The following UBAC2 variants were observed in gnomAD, a reference collection of about 807,000 sequenced individuals.
UBAC2 encodes UBA domain containing 2.
UBAC2 carries 26 observed loss-of-function variants against 44.0 expected under a neutral mutation model. That is an observed-to-expected ratio of 0.59 (90% CI 0.43 to 0.82). The LOEUF is 0.82. Ranked by LOEUF, UBAC2 falls within the 40% of genes least tolerant of loss-of-function variation. UBAC2 has a pLI of 0.00. For missense variants in UBAC2, 329 were observed against 419.4 expected, an observed-to-expected ratio of 0.78 and a Z score of 1.88; for synonymous variants, 155 against 154.3, an observed-to-expected ratio of 1.00 and a Z score of -0.04.
At chr13:99,283,285 A>G (rs1464112679) in intron 4 of UBAC2, among the ~76,000 whole-genome samples, 3 of 152,190 alleles carry the variant, frequency 2.0e-5, no homozygotes, top group Non-Finnish European at 4.4e-5. Context: ...GAGACACTTG[A>G]TAATTATTTG....
intron 1 of UBAC2, chr13:99,215,824 C>T (rs928162525): frequency 1.7e-6 from 1 of 577,684 alleles, no homozygotes; most frequent in African/African-American, 1.9e-5. Context: ...TGAGATCCCA[C>T]CATCTACTCC....
chr13:99,297,394 A>G (rs2044192854), intron 4 of UBAC2, among the ~76,000 whole-genome samples: 3 of 152,168 alleles, frequency 2.0e-5, no homozygotes, highest in Admixed American at 6.5e-5. Context: ...AAAGAACTAT[A>G]CAGTATTTCC....
intron 8 of UBAC2, among the ~76,000 whole-genome samples, chr13:99,382,847 A>G (rs2045568759): frequency 6.6e-6 from 1 of 152,190 alleles, no homozygotes; most frequent in Non-Finnish European, 1.5e-5. Context: ...GGCTCAGGGC[A>G]GAGGGCAGAG....
intron 2 of UBAC2, 24 bp from the exon 3 acceptor site, chr13:99,243,808 G>T (rs200285046): frequency 6.5e-7 from 1 of 1,546,448 alleles, no homozygotes; most frequent in Non-Finnish European, 8.7e-7. Flanking sequence ...CTTGTTTATT[G>T]TTCTTTTTTA....
chr13:99,238,325 T>G (rs747635180), intron 1 of UBAC2, 102 bp from the exon 2 acceptor site: 2 of 1,441,668 alleles, frequency 1.4e-6, no homozygotes, highest in Non-Finnish European at 1.9e-6. Flanking sequence ...GACTTTGTCT[T>G]CATTCTGATT....
At position 99,361,922 on chromosome 13, in the gene UBAC2, G is replaced by A. The variant is rs564902786; in HGVS notation, c.808-5865G>A. ...TGAGATGGAAGATTGCTTGGGTCCG[G>A]GAGTTCAGGACTGCAGTGCGCCATG... On this transcript the variant is annotated intron_variant, in intron 7 of 8. Coordinates refer to ENST00000403766, the MANE Select transcript of UBAC2 (RefSeq NM_001144072.2). Among the ~76,000 whole-genome samples the A allele has an allele frequency of 2.0e-5, 3 of 152,234 alleles. No individual in the cohort carries two copies. In the South Asian group the frequency reaches 6.2e-4, roughly 32 times the overall value.
intron 4 of UBAC2, among the ~76,000 whole-genome samples, chr13:99,313,850 G>A (rs764269994): frequency 1.1e-4 from 17 of 152,206 alleles, no homozygotes; most frequent in Non-Finnish European, 2.4e-4. Context: ...CACTTAGTAG[G>A]TGCTGAACCA....
At chr13:99,320,113 A>G (rs2044549036) in intron 6 of UBAC2, among the ~76,000 whole-genome samples, 2 of 151,586 alleles carry the variant, frequency 1.3e-5, no homozygotes, top group Non-Finnish European at 2.9e-5. Context: ...AACACATTCC[A>G]TTTTCTTTCT....
At chr13:99,357,817 A>G (rs1192279811) in intron 7 of UBAC2, among the ~76,000 whole-genome samples, 1 of 152,166 alleles carries the variant, frequency 6.6e-6, no homozygotes, top group African/African-American at 2.4e-5. Context: ...TCATATCCCA[A>G]CTAACTACAG....
rs113860034 is a variant in UBAC2 at position 99,201,016 on chromosome 13, G to A, written c.31+77G>A. ...ACCTCTTTGAGGAGGCTGGGGCAGC[G>A]GGGACCCTCGGGTTTGCCGGAGGTG... On this transcript the variant is annotated intron_variant, in intron 1 of 8. Coordinates refer to ENST00000403766, the MANE Select transcript of UBAC2 (RefSeq NM_001144072.2). 2.6e-3 allele frequency: 3,318 copies of A among 1,292,010 alleles called. 5 individuals are homozygous for A. Among genetic ancestry groups the A allele is most frequent in the Non-Finnish European group, 3.0e-3 (3,058 of 1,012,374 alleles). 80.0% of individuals were successfully genotyped at this position (1,292,010 alleles called of 1,614,324 possible).
intron 1 of UBAC2, among the ~76,000 whole-genome samples, chr13:99,229,821 A>C (rs2043152813): frequency 6.6e-6 from 1 of 152,252 alleles, no homozygotes; most frequent in Non-Finnish European, 1.5e-5. Context: ...AAAAAATAGT[A>C]AAACAGTATA....
At chr13:99,242,235 T>G (rs1445594928) in intron 2 of UBAC2, among the ~76,000 whole-genome samples, 1 of 152,172 alleles carries the variant, frequency 6.6e-6, no homozygotes, top group Non-Finnish European at 1.5e-5. Flanking sequence ...CATGGCCCGT[T>G]CTCAATGAGC....
chr13:99,284,978 A>G, intron 4 of UBAC2, among the ~76,000 whole-genome samples: 1 of 152,212 alleles, frequency 6.6e-6, no homozygotes, highest in East Asian at 1.9e-4. Context: ...ACCCAGATTC[A>G]GTAATTAACA....
At chr13:99,284,671 C>A (rs1219296393) in intron 4 of UBAC2, among the ~76,000 whole-genome samples, 1 of 152,176 alleles carries the variant, frequency 6.6e-6, no homozygotes, top group East Asian at 1.9e-4. Context: ...AATCAAAATT[C>A]TAGTCCATCG....
chr13:99,251,868 C>T (rs2043462027), intron 4 of UBAC2, among the ~76,000 whole-genome samples: 1 of 152,162 alleles, frequency 6.6e-6, no homozygotes, highest in African/African-American at 2.4e-5. Flanking sequence ...AAGGGTAGCA[C>T]CGAGAATTAA....
chr13:99,354,363 TTAATA>T (rs2045144066), intron 7 of UBAC2, among the ~76,000 whole-genome samples: 1 of 152,236 alleles, frequency 6.6e-6, no homozygotes, highest in East Asian at 1.9e-4. Context: ...CAGATGTTCT[TTAATA>T]TAATGATTGG....
At chr13:99,296,070 G>A in intron 4 of UBAC2, 2 of 1,613,908 alleles carry the variant, frequency 1.2e-6, no homozygotes, top group Non-Finnish European at 1.7e-6. Context: ...GTGCTGTGAT[G>A]TGCATAGAGG....
intron 6 of UBAC2, among the ~76,000 whole-genome samples, chr13:99,321,303 T>G (rs2044565065): frequency 6.6e-6 from 1 of 152,176 alleles, no homozygotes; most frequent in African/African-American, 2.4e-5. Flanking sequence ...TTGATTTATT[T>G]TGTTTAGGCT....
chr13:99,229,477 C>T (rs1037551064), intron 1 of UBAC2, among the ~76,000 whole-genome samples: 5 of 152,182 alleles, frequency 3.3e-5, no homozygotes, highest in African/African-American at 1.2e-4. Flanking sequence ...GGATGTTGTG[C>T]TGGAGAGGCA....
Sources: gnomAD v4.1 joint callset for allele counts (sites outside exome capture counted in the v4.1 genomes callset) on GRCh38, gnomAD v4.1.1 for gene constraint, MANE v1.5 for transcripts, NCBI Gene and HGNC (gene_info 2026-07-23, HGNC 2026-07-21) for gene names.